The following TANC1 variants were observed in gnomAD, a reference collection of about 807,000 sequenced individuals.
TANC1 encodes tetratricopeptide repeat, ankyrin repeat and coiled-coil containing 1.
Under a neutral mutation model 149.7 loss-of-function variants are expected in TANC1, and 77 were observed. The ratio of observed to expected loss-of-function variants is 0.51; its 90% CI spans 0.43 to 0.62. The LOEUF is 0.62. Among genes scored for constraint, TANC1 ranks in the 20% least tolerant of loss-of-function variants. The pLI is 0.00. For missense variants in TANC1, 1,985 were observed against 2,321.8 expected (o/e 0.85, Z 2.98); for synonymous variants, 854 against 925.0 (o/e 0.92, Z 1.39).
chr2:159,109,076 G>A (rs1337211508), intron 4 of TANC1, among the ~76,000 whole-genome samples: 1 of 152,212 alleles, frequency 6.6e-6, no homozygotes, highest in African/African-American at 2.4e-5. Flanking sequence ...CCTGAGTACA[G>A]CTAATGAGCT....
intron 7 of TANC1, among the ~76,000 whole-genome samples, chr2:159,154,619 C>G (rs1246369629): frequency 6.6e-6 from 1 of 152,104 alleles, no homozygotes; most frequent in African/African-American, 2.4e-5. Flanking sequence ...TATCCTCTTT[C>G]AGGAGGTCCA....
chr2:159,160,405 T>C (rs959392768), intron 7 of TANC1, among the ~76,000 whole-genome samples: 1 of 152,140 alleles, frequency 6.6e-6, no homozygotes, highest in African/African-American at 2.4e-5. Flanking sequence ...CAAGCATTTT[T>C]GAGAGTGATT....
chr2:159,113,724 C>T (rs1272937261), intron 4 of TANC1, among the ~76,000 whole-genome samples: 1 of 152,204 alleles, frequency 6.6e-6, no homozygotes, highest in Non-Finnish European at 1.5e-5. Flanking sequence ...GCTTGCCAGG[C>T]ACAGCAGTGC....
intron 2 of TANC1, among the ~76,000 whole-genome samples, chr2:159,021,229 T>C (rs1432491400): frequency 6.6e-6 from 1 of 152,104 alleles, no homozygotes; most frequent in Non-Finnish European, 1.5e-5. Flanking sequence ...TTTTAATGGG[T>C]AGTTTACACA....
At chr2:159,196,519 G>A in intron 17 of TANC1, 89 bp from the exon 18 acceptor site, 2 of 1,114,684 alleles carry the variant, frequency 1.8e-6, no homozygotes, top group Non-Finnish European at 2.6e-6. Context: ...CTTACAGGGA[G>A]TGGGGTTTGC....
At chr2:159,066,667 G>A (rs2042694128) in intron 3 of TANC1, among the ~76,000 whole-genome samples, 1 of 152,150 alleles carries the variant, frequency 6.6e-6, no homozygotes, top group African/African-American at 2.4e-5. Context: ...CCAACTGCTG[G>A]CTGACTGGTC....
In TANC1 at chr2:159,065,978, G is replaced by T; in HGVS notation, c.61+7G>T. Reference sequence around the variant, plus strand: ...GGAGGCAAGAAGGAAGCAGGTATGTGTGCAAGAATGAGAAGCTCAGCCATG... The same window carrying T: ...GGAGGCAAGAAGGAAGCAGGTATGTTTGCAAGAATGAGAAGCTCAGCCATG... On this transcript the variant is annotated splice_region_variant and intron_variant, in intron 3 of 26. Transcript: ENST00000263635. The T allele has an allele frequency of 5.0e-6, 8 of 1,609,956 alleles. No homozygotes were observed. Among genetic ancestry groups the T allele is most frequent in the Non-Finnish European group, 6.8e-6 (8 of 1,176,160 alleles).
At position 159,048,213 on chromosome 2, in the gene TANC1, C is replaced by T. The variant is rs565501859; in HGVS notation, c.-15-17683C>T. Among the ~76,000 whole-genome samples, 4 of 152,290 alleles carry T rather than the reference C, an allele frequency of 2.6e-5. No homozygotes were observed. In the East Asian group the frequency reaches 7.7e-4, roughly 29 times the overall value. On this transcript the variant is annotated intron_variant, in intron 2 of 26. Transcript: ENST00000263635. ...TTGTTTTGAGTTGTTTCTATAATGC[C>T]ACAGCACTGTTGTAGATATCTGGCA...
chr2:159,047,560 C>T (rs1352584347), intron 2 of TANC1, among the ~76,000 whole-genome samples: 2 of 152,180 alleles, frequency 1.3e-5, no homozygotes, highest in East Asian at 3.8e-4. Flanking sequence ...TCATTGCCTC[C>T]TTTGGAAAGG....
intron 4 of TANC1, among the ~76,000 whole-genome samples, chr2:159,108,791 T>C (rs191128204): frequency 7.2e-4 from 110 of 152,120 alleles, no homozygotes; most frequent in African/African-American, 2.6e-3. Context: ...CACAGAGTGG[T>C]GATTTCTAGA....
intron 19 of TANC1, among the ~76,000 whole-genome samples, 198 bp downstream of exon 19, chr2:159,199,251 A>G (rs776891874): frequency 5.9e-5 from 9 of 152,262 alleles, no homozygotes; most frequent in Non-Finnish European, 1.0e-4. Context: ...TATTTTTTAA[A>G]GCAATCCTAT....
intron 24 of TANC1, chr2:159,226,122 A>G: frequency 3.1e-6 from 1 of 318,814 alleles, no homozygotes; most frequent in South Asian, 2.8e-5. Context: ...GTGAGCTGAG[A>G]TTGCACCACT....
chr2:159,060,957 A>G (rs187963924), intron 2 of TANC1, among the ~76,000 whole-genome samples: 1 of 152,362 alleles, frequency 6.6e-6, no homozygotes, highest in East Asian at 1.9e-4. Flanking sequence ...TACATAATGT[A>G]GAGAGGTTGT....
chr2:159,113,998 G>T (rs1313428299), intron 4 of TANC1, among the ~76,000 whole-genome samples: 1 of 152,314 alleles, frequency 6.6e-6, no homozygotes, highest in East Asian at 1.9e-4. Context: ...CTGTGGGAAG[G>T]GTCTTGCCAG....
chr2:159,157,256 C>T (rs1455292334), intron 7 of TANC1, among the ~76,000 whole-genome samples: 1 of 152,036 alleles, frequency 6.6e-6, no homozygotes, highest in East Asian at 1.9e-4. Flanking sequence ...TTCACTAGAC[C>T]CCTCAGGTTA....
At chr2:159,059,166 G>A (rs2042054553) in intron 2 of TANC1, among the ~76,000 whole-genome samples, 1 of 152,196 alleles carries the variant, frequency 6.6e-6, no homozygotes, top group South Asian at 2.1e-4. Flanking sequence ...GTGTCTTAGA[G>A]AATAAATTAT....
At position 159,229,628 on chromosome 2, in the gene TANC1, C is replaced by T; in HGVS notation, c.4202C>T (p.Pro1401Leu). Residue 1401 changes from proline (P) to leucine (L), a missense_variant, in exon 27 of 27, where the codon CCC becomes CTC. Physicochemically the swap from Pro to Leu is moderately conservative, Grantham distance 98 (BLOSUM62 -3). Transcript: ENST00000263635. The part of the protein sequence containing the change: ...ADLQEAVKLC[P>L]TNQEVKRLLA... ...CTGCAAGAGGCTGTGAAACTCTGTC[C>T]CACCAATCAGGAAGTCAAGAGGCTT... 1 of 1,613,844 alleles carries T rather than the reference C, an allele frequency of 6.2e-7. No homozygotes were observed. The highest frequency in any genetic ancestry group is 1.1e-5 in the South Asian group (1 of 91,058).
chr2:159,211,438 T>C (rs1224360547), intron 19 of TANC1, among the ~76,000 whole-genome samples: 1 of 152,218 alleles, frequency 6.6e-6, no homozygotes, highest in Non-Finnish European at 1.5e-5. Flanking sequence ...GTACTGCCCA[T>C]AGCAAGGCAT....
intron 3 of TANC1, among the ~76,000 whole-genome samples, chr2:159,074,216 T>C (rs1393791162): frequency 6.6e-6 from 1 of 152,174 alleles, no homozygotes; most frequent in Non-Finnish European, 1.5e-5. Flanking sequence ...GTGCAGTGGG[T>C]AAAGGTAAAA....
Sources: allele counts gnomAD v4.1 joint callset (sites outside exome capture counted in the v4.1 genomes callset), GRCh38; gene constraint gnomAD v4.1.1; transcripts MANE v1.5; gene names NCBI Gene and HGNC (gene_info 2026-07-23, HGNC 2026-07-21).